FHIT: variants seen among roughly 807,000 people sequenced by gnomAD.
FHIT encodes the protein fragile histidine triad diadenosine triphosphatase.
Under a neutral mutation model 17.9 loss-of-function variants are expected in FHIT, and 19 were observed. That is an observed-to-expected ratio of 1.06 (90% confidence interval 0.74 to 1.56). The LOEUF (loss-of-function observed/expected upper bound fraction) is 1.56. Among genes scored for constraint, FHIT ranks in the 40% most tolerant of loss-of-function variants. The pLI is 0.00. For missense variants in FHIT, 248 were observed against 189.2 expected (o/e 1.31, Z -1.82); for synonymous variants, 81 against 69.7 (o/e 1.16, Z -0.81).
At chr3:60,402,667 T>A (rs1006706232) in intron 5 of FHIT, among the ~76,000 whole-genome samples, 4 of 152,120 alleles carry the variant, frequency 2.6e-5, no homozygotes, top group Admixed American at 2.6e-4. Flanking sequence ...GAAAGCCTGG[T>A]TTAGAAATAC....
chr3:61,025,606 G>A (rs376147156), intron 3 of FHIT, among the ~76,000 whole-genome samples: 40 of 152,220 alleles, frequency 2.6e-4, no homozygotes, highest in East Asian at 9.6e-4. Context: ...GATCAAATAC[G>A]GAATTATCCA....
intron 8 of FHIT, among the ~76,000 whole-genome samples, chr3:59,894,966 A>T (rs1177146403): frequency 6.6e-6 from 1 of 152,210 alleles, no homozygotes; most frequent in Admixed American, 6.5e-5. Flanking sequence ...GAACTTGGCT[A>T]CACTGTCATC....
intron 7 of FHIT, among the ~76,000 whole-genome samples, chr3:59,943,580 C>A (rs1457155449): frequency 2.0e-5 from 3 of 152,110 alleles, no homozygotes; most frequent in Non-Finnish European, 4.4e-5. Flanking sequence ...ACAGGGGCTA[C>A]CTTACTCCTG....
chr3:61,208,498 C>T (rs1391610565), intron 1 of FHIT, among the ~76,000 whole-genome samples: 1 of 152,054 alleles, frequency 6.6e-6, no homozygotes, highest in Non-Finnish European at 1.5e-5. Flanking sequence ...CTGGGTGCTC[C>T]TGTATTGGGT....
rs566659495 is a variant in FHIT at position 60,894,106 on chromosome 3, G to A, written c.-110-72095C>T. Among the ~76,000 whole-genome samples the A allele has an allele frequency of 2.6e-5, 4 of 152,214 alleles. No homozygotes were observed. The South Asian group carries it at 8.3e-4, about 32-fold the overall frequency. On this transcript the variant is annotated intron_variant, in intron 3 of 9. Transcript: ENST00000492590. ...AAACATTTAGCATGCTTTTTATTGT[G>A]GGGATGGGGGTTGCTTTTGTTTGAT... is the stretch of plus-strand genomic sequence containing the variant.
intron 2 of FHIT, among the ~76,000 whole-genome samples, chr3:61,122,247 A>C (rs1456276272): frequency 6.6e-6 from 1 of 152,196 alleles, no homozygotes; most frequent in East Asian, 1.9e-4. Context: ...AAAAACAAGC[A>C]ATGGGGAAAG....
intron 5 of FHIT, among the ~76,000 whole-genome samples, chr3:60,413,891 A>G (rs184735937): frequency 1.2e-4 from 18 of 152,338 alleles, no homozygotes; most frequent in Middle Eastern, 3.4e-3. Flanking sequence ...GCACTGTGCT[A>G]CATGTTAGGG....
At chr3:60,419,749 G>T (rs1394665881) in intron 5 of FHIT, among the ~76,000 whole-genome samples, 2 of 151,918 alleles carry the variant, frequency 1.3e-5, no homozygotes, top group Non-Finnish European at 2.9e-5. Context: ...GAAACCTAAG[G>T]GCTTCAAGCA....
chr3:61,041,683 CA>C (rs368794932), intron 3 of FHIT, among the ~76,000 whole-genome samples: 8,625 of 132,868 alleles, frequency 0.065, 244 homozygotes, highest in African/African-American at 0.079. Context: ...AAAAATAAAG[CA>C]AAAAAAAAAA....
chr3:60,483,602 G>A (rs1403791825), intron 5 of FHIT, among the ~76,000 whole-genome samples: 1 of 150,522 alleles, frequency 6.6e-6, no homozygotes, highest in Non-Finnish European at 1.5e-5. Flanking sequence ...AATAGATGCA[G>A]AAAAAGCCTT....
chr3:60,032,393 A>G (rs1354471232), intron 5 of FHIT, among the ~76,000 whole-genome samples: 2 of 152,172 alleles, frequency 1.3e-5, no homozygotes, highest in Non-Finnish European at 2.9e-5. Flanking sequence ...TCAAAGTTGC[A>G]GTAAGCTATG....
chr3:59,758,278 C>A, intron 8 of FHIT, among the ~76,000 whole-genome samples: 1 of 152,204 alleles, frequency 6.6e-6, no homozygotes, highest in Non-Finnish European at 1.5e-5. Flanking sequence ...TACCCATGGT[C>A]AGCTTCACCA....
intron 5 of FHIT, among the ~76,000 whole-genome samples, chr3:60,365,489 C>T (rs1700071285): frequency 6.6e-6 from 1 of 152,122 alleles, no homozygotes; most frequent in Non-Finnish European, 1.5e-5. Flanking sequence ...GTAACTGAGT[C>T]ATACTTACCT....
At chr3:59,963,125 G>T (rs368366364) in intron 7 of FHIT, among the ~76,000 whole-genome samples, 4 of 152,190 alleles carry the variant, frequency 2.6e-5, no homozygotes, top group African/African-American at 9.6e-5. Context: ...AATTTGCTGG[G>T]CATGGTGGCA....
intron 4 of FHIT, among the ~76,000 whole-genome samples, chr3:60,780,646 G>A (rs1340275663): frequency 5.9e-5 from 9 of 152,124 alleles, no homozygotes; most frequent in African/African-American, 2.2e-4. Context: ...GGCCTCTGCC[G>A]TTTCCCCAAA....
intron 4 of FHIT, among the ~76,000 whole-genome samples, chr3:60,651,299 C>T (rs1355543506): frequency 1.3e-5 from 2 of 152,020 alleles, no homozygotes; most frequent in South Asian, 2.1e-4. Context: ...TTTTGTTGTT[C>T]CTACCAAAAG....
chr3:59,917,142 T>A (rs963989755), intron 8 of FHIT, among the ~76,000 whole-genome samples: 4 of 152,220 alleles, frequency 2.6e-5, no homozygotes, highest in African/African-American at 9.7e-5. Context: ...TTTTAGCAAG[T>A]TGATTTTGCT....
At chr3:61,141,377 G>A (rs1315312108) in intron 2 of FHIT, among the ~76,000 whole-genome samples, 1 of 152,240 alleles carries the variant, frequency 6.6e-6, no homozygotes, top group Non-Finnish European at 1.5e-5. Flanking sequence ...TCAAAGAGAA[G>A]TCTTAGTCAT....
At chr3:59,906,008 TAA>T (rs1195221045) in intron 8 of FHIT, among the ~76,000 whole-genome samples, 1 of 152,246 alleles carries the variant, frequency 6.6e-6, no homozygotes, top group East Asian at 1.9e-4. Flanking sequence ...ATTAAAAAGA[TAA>T]GAGATTCAGG....
Sources: allele counts gnomAD v4.1 joint callset (sites outside exome capture counted in the v4.1 genomes callset), GRCh38; gene constraint gnomAD v4.1.1; transcripts MANE v1.5; gene names NCBI Gene and HGNC (gene_info 2026-07-23, HGNC 2026-07-21).